Variants in STK3 observed in about 807,000 individuals in gnomAD.
STK3 encodes serine/threonine-protein kinase 3.
A neutral mutation model predicts 58.0 loss-of-function variants in STK3; 41 were observed. That is an observed-to-expected ratio of 0.71 (90% confidence interval 0.55 to 0.92). STK3 has a LOEUF of 0.92. Ranked by LOEUF, STK3 falls within the 40% of genes least tolerant of loss-of-function variation. STK3 has a pLI of 0.00. For synonymous variants in STK3, 170 were observed against 191.0 expected, an observed-to-expected ratio of 0.89 and a Z score of 0.91; for missense variants, 479 against 602.7, an observed-to-expected ratio of 0.79 and a Z score of 2.15.
chr8:98,847,556 A>G (rs1236495632), intron 3 of STK3, among the ~76,000 whole-genome samples: 1 of 152,168 alleles, frequency 6.6e-6, no homozygotes, highest in Admixed American at 6.5e-5. Flanking sequence ...CCCAAGATCC[A>G]GTAGTCTTTC....
chr8:98,757,714 C>T (rs528217459), intron 3 of STK3, among the ~76,000 whole-genome samples: 181 of 149,964 alleles, frequency 1.2e-3, no homozygotes, highest in African/African-American at 3.7e-3. Context: ...ATTTATTTAT[C>T]TTTTTTTTTA....
At chr8:98,881,224 GACATAGAGGA>G (rs1347674618), downstream of STK3, 13 of 152,158 alleles carry the variant, frequency 8.5e-5, no homozygotes, top group Admixed American at 8.5e-4. Flanking sequence ...GCCACGAAAA[GACATAGAGGA>G]ACCTTAAATG....
chr8:98,800,557 C>T lies in STK3; in HGVS notation c.26+24958G>A, dbSNP rs540359488. On this transcript the variant is annotated intron_variant, in intron 1 of 10. Transcript: ENST00000419617. This position sits in a 1 kb window ranked among gnomAD's most constrained non-coding sequence, Gnocchi z 4.8. ...TCTCTGGGCTGGCCAAGGCCGGAGC[C>T]GGCTCCCTCTGCTTGCGGGAAGGTG... is the stretch of plus-strand genomic sequence containing the variant. Among the ~76,000 whole-genome samples the T allele has an allele frequency of 7.2e-5, 11 of 152,342 alleles. No homozygotes were observed. The highest frequency in any genetic ancestry group is 2.4e-4 in the African/African-American group (10 of 41,588).
chr8:98,555,602 A>G (rs967665428), intron 8 of STK3, among the ~76,000 whole-genome samples: 1 of 152,110 alleles, frequency 6.6e-6, no homozygotes, highest in Non-Finnish European at 1.5e-5. Context: ...CTTTCATTCA[A>G]CTGGACAATT....
Position 98,795,994 on chromosome 8 carries a change from A to G in STK3, c.27-21175T>C, listed in dbSNP as rs149288069. On this transcript the variant is annotated intron_variant, in intron 1 of 10. Coordinates refer to ENST00000419617, the MANE Select transcript of STK3 (RefSeq NM_006281.4). The stretch of plus-strand genomic sequence containing the variant: ...TCATGTTCATGAAGTGGAAAAATCA[A>G]TATCATTAAAAATAAAAAACATTTC... Among the ~76,000 whole-genome samples the G allele has an allele frequency of 2.2e-3, 331 of 151,992 alleles. 3 individuals carry two copies. The highest frequency in any genetic ancestry group is 4.6e-3 in the South Asian group (22 of 4,782).
chr8:98,651,397 A>G (rs1820915373), intron 6 of STK3: 2 of 152,296 alleles, frequency 1.3e-5, no homozygotes, highest in Admixed American at 1.3e-4. Flanking sequence ...GGGGGAAAAC[A>G]GAGCAGAAAA....
At chr8:98,920,159 A>T (rs1839501591) in intron 1 of STK3, among the ~76,000 whole-genome samples, 1 of 152,196 alleles carries the variant, frequency 6.6e-6, no homozygotes, top group South Asian at 2.1e-4. Context: ...CAAGTGAGAG[A>T]ACTTCAGAGG....
At chr8:98,377,955 G>A (rs1586542044) in intron 2 of STK3, among the ~76,000 whole-genome samples, 2 of 152,188 alleles carry the variant, frequency 1.3e-5, no homozygotes, top group Admixed American at 1.3e-4. Context: ...TGAATGCAGG[G>A]ACATAAGAGT....
chr8:98,700,238 G>A (rs940523035), intron 6 of STK3, among the ~76,000 whole-genome samples: 5 of 152,310 alleles, frequency 3.3e-5, no homozygotes, highest in Admixed American at 1.3e-4. Context: ...ATTAGGGTGG[G>A]AGCGACCCGA....
intron 2 of STK3, among the ~76,000 whole-genome samples, chr8:98,436,329 C>T (rs1371045849): frequency 6.6e-6 from 1 of 152,264 alleles, no homozygotes; most frequent in African/African-American, 2.4e-5. Context: ...CTGCAAAGGA[C>T]CCCTGTGTCT....
At chr8:98,732,333 T>C (rs1828268566) in intron 4 of STK3, among the ~76,000 whole-genome samples, 1 of 151,826 alleles carries the variant, frequency 6.6e-6, no homozygotes, top group Non-Finnish European at 1.5e-5. Flanking sequence ...TTGTGAAATA[T>C]CAGAAACGTC....
At chr8:98,417,374 A>T (rs1267732465) in intron 3 of STK3, among the ~76,000 whole-genome samples, 2 of 151,838 alleles carry the variant, frequency 1.3e-5, no homozygotes, top group East Asian at 3.9e-4. Context: ...ATTAGCTAGG[A>T]GTGTTGGCGC....
At chr8:98,623,609 G>T (rs997630748) in intron 6 of STK3, among the ~76,000 whole-genome samples, 1 of 152,090 alleles carries the variant, frequency 6.6e-6, no homozygotes, top group Non-Finnish European at 1.5e-5. Context: ...CGTAGCGACA[G>T]CCCGTCTCTA....
At chr8:98,540,784 G>A (rs1445911679) in intron 9 of STK3, among the ~76,000 whole-genome samples, 8 of 151,772 alleles carry the variant, frequency 5.3e-5, no homozygotes, top group Middle Eastern at 3.4e-3. Flanking sequence ...GCACTCTTTC[G>A]CAACTGGGGT....
intron 2 of STK3, among the ~76,000 whole-genome samples, chr8:98,769,540 C>T (rs936672704): frequency 2.6e-5 from 4 of 152,158 alleles, no homozygotes; most frequent in African/African-American, 4.8e-5. Context: ...CTCTTTCTTT[C>T]GTAAATTGCC....
chr8:98,869,883 T>G (rs1294129581), intron 3 of STK3, among the ~76,000 whole-genome samples: 2 of 151,900 alleles, frequency 1.3e-5, no homozygotes, highest in African/African-American at 4.8e-5. Flanking sequence ...CTAGGGTACA[T>G]GTGCACAATG....
intron 7 of STK3, among the ~76,000 whole-genome samples, chr8:98,593,894 C>G (rs1815561086): frequency 6.6e-6 from 1 of 151,814 alleles, no homozygotes; most frequent in Non-Finnish European, 1.5e-5. Flanking sequence ...ATCCTACCCC[C>G]CCAAAAAAAA....
chr8:98,865,000 A>T (rs889904328), intron 3 of STK3, among the ~76,000 whole-genome samples: 7 of 152,164 alleles, frequency 4.6e-5, no homozygotes, highest in Non-Finnish European at 1.0e-4. Context: ...ATCCCACTTT[A>T]CAGAACCCAG....
At chr8:98,355,085 G>A in the STK3 span, among the ~76,000 whole-genome samples, 17 of 152,292 alleles carry the variant, frequency 1.1e-4, 1 homozygote, top group African/African-American at 4.1e-4. Context: ...CCTGCCAAGA[G>A]TGTCAGTATT....
Sources: gnomAD v4.1 joint callset for allele counts (sites outside exome capture counted in the v4.1 genomes callset) on GRCh38, gnomAD v4.1.1 for gene constraint, Gnocchi (gnomAD v3.1) non-coding constraint, MANE v1.5 for transcripts, NCBI Gene and HGNC (gene_info 2026-07-23, HGNC 2026-07-21) for gene names.